The following SCN8A variants were observed in gnomAD, a reference collection of about 807,000 sequenced individuals.
The protein encoded by SCN8A is sodium channel protein type 8 subunit alpha.
SCN8A carries 30 observed loss-of-function variants against 184.1 expected under a neutral mutation model. The ratio of observed to expected loss-of-function variants is 0.16; its 90% CI spans 0.12 to 0.22. SCN8A has a LOEUF of 0.22. Among genes scored for constraint, SCN8A ranks in the 10% least tolerant of loss-of-function variants. The pLI is 1.00. For missense variants in SCN8A, 1,057 were observed against 2,498.9 expected (o/e 0.42, Z 12.30); for synonymous variants, 852 against 907.0 (o/e 0.94, Z 1.09).
At chr12:51,652,755 C>T (rs1765985375) in intron 1 of SCN8A, among the ~76,000 whole-genome samples, 1 of 152,196 alleles carries the variant, frequency 6.6e-6, no homozygotes. Context: ...AGGAAGCTTT[C>T]CTTGATCTCT....
intron 1 of SCN8A, among the ~76,000 whole-genome samples, chr12:51,629,591 A>C (rs1940155754): frequency 3.8e-5 from 1 of 26,162 alleles, no homozygotes; most frequent in South Asian, 7.2e-4. Context: ...GCAAAAAAAA[A>C]AAAAAAAAAA....
At chr12:51,649,444 C>T (rs140566456) in intron 1 of SCN8A, among the ~76,000 whole-genome samples, 13 of 152,366 alleles carry the variant, frequency 8.5e-5, no homozygotes, top group Non-Finnish European at 1.5e-4. Context: ...TCTCCATAAG[C>T]GTCCTGCCCC....
intron 2 of SCN8A, among the ~76,000 whole-genome samples, chr12:51,665,479 G>A (rs1941015081): frequency 6.6e-6 from 1 of 152,080 alleles, no homozygotes; most frequent in Non-Finnish European, 1.5e-5. Context: ...TAAATACATA[G>A]CATAATGATT....
intron 2 of SCN8A, among the ~76,000 whole-genome samples, chr12:51,679,119 A>G (rs1367253875): frequency 6.6e-6 from 1 of 151,462 alleles, no homozygotes; most frequent in Non-Finnish European, 1.5e-5. Flanking sequence ...TACTCACCCC[A>G]GGTGCAGTGG....
intron 6 of SCN8A, among the ~76,000 whole-genome samples, chr12:51,696,118 C>T (rs1941588205): frequency 6.6e-6 from 1 of 152,188 alleles, no homozygotes; most frequent in Non-Finnish European, 1.5e-5. Flanking sequence ...GCTTACAGCT[C>T]ATTTCTCAAT....
At chr12:51,605,578 A>G (rs541689646) in intron 1 of SCN8A, among the ~76,000 whole-genome samples, 1 of 152,226 alleles carries the variant, frequency 6.6e-6, no homozygotes, top group Non-Finnish European at 1.5e-5. Flanking sequence ...TCTTTTTCAT[A>G]TAATGACTTC....
At chr12:51,632,455 C>T (rs1940216629) in intron 1 of SCN8A, among the ~76,000 whole-genome samples, 2 of 152,134 alleles carry the variant, frequency 1.3e-5, no homozygotes, top group Admixed American at 1.3e-4. Context: ...ACACTCCCCT[C>T]CCTTGTGGCT....
intron 1 of SCN8A, among the ~76,000 whole-genome samples, chr12:51,639,321 G>C (rs569616179): frequency 2.6e-5 from 4 of 152,320 alleles, no homozygotes; most frequent in African/African-American, 9.6e-5. Context: ...TGTGAGGATT[G>C]TTGAAATGAC....
At chr12:51,780,609 A>G in intron 20 of SCN8A, 40 bp from the exon 21 acceptor site, 1 of 69,166 alleles carries the variant, frequency 1.4e-5, no homozygotes, top group Non-Finnish European at 2.4e-5. Flanking sequence ...TTTTTTGGTT[A>G]CCTTTTTTGT....
intron 12 of SCN8A, chr12:51,722,235 C>A: frequency 2.2e-6 from 1 of 452,644 alleles, no homozygotes; most frequent in South Asian, 2.8e-5. Flanking sequence ...TTACCGTTTT[C>A]TTTCTCTCCA....
chr12:51,603,606 T>A (rs1300597919), intron 1 of SCN8A, among the ~76,000 whole-genome samples: 2 of 152,216 alleles, frequency 1.3e-5, no homozygotes, highest in Non-Finnish European at 1.5e-5. Flanking sequence ...TATAAGCAAC[T>A]AACAACTGTT....
chr12:51,655,282 A>G (rs1940799416), intron 1 of SCN8A, among the ~76,000 whole-genome samples: 2 of 151,818 alleles, frequency 1.3e-5, no homozygotes, highest in Admixed American at 1.3e-4. Context: ...CCGCATTTCA[A>G]TACTGGTTTT....
chr12:51,684,228 G>A lies in SCN8A; in HGVS notation c.331G>A (p.Ala111Thr), dbSNP rs796053231. Reference sequence around the variant, plus strand: ...TCTCTTCAGATTTAGTGCCACGCCTGCCTTGTACATTTTAAGTCCTTTTAA... The same window carrying A: ...TCTCTTCAGATTTAGTGCCACGCCTACCTTGTACATTTTAAGTCCTTTTAA... ...KTLFRFSATP[A>T]LYILSPFNLI... Residue 111 changes from alanine (A) to threonine (T), a missense_variant, in exon 3 of 27, where the codon GCC (alanine) becomes ACC (threonine). Physicochemically the swap from Ala to Thr is moderately conservative, Grantham distance 58. This residue lies in a region of SCN8A where 66 missense variants were observed against 276.4 expected (regional missense o/e 0.24). Transcript: ENST00000627620. 6.2e-7 allele frequency: 1 copy of A among 1,609,612 alleles called. No individual in the cohort carries two copies. Among genetic ancestry groups the A allele is most frequent in the East Asian group, 2.2e-5 (1 of 44,850 alleles).
Position 51,756,614 on chromosome 12 carries a change from C to G in SCN8A, c.2370+5021C>G, listed in dbSNP as rs571735308. On this transcript the variant is annotated intron_variant, in intron 14 of 26. Transcript: ENST00000627620. ...TAGCCACGCCTCATACCACTTCCAA[C>G]TGCCCATCCTAGACTGTTGCCCAAA... Among the ~76,000 whole-genome samples the G allele has an allele frequency of 1.5e-3, 223 of 152,398 alleles. 1 individual carries two copies. Among genetic ancestry groups the G allele is most frequent in the Middle Eastern group, 3.4e-3 (1 of 294 alleles).
intron 11 of SCN8A, among the ~76,000 whole-genome samples, chr12:51,711,188 A>G (rs1456708689): frequency 6.6e-6 from 1 of 152,236 alleles, no homozygotes; most frequent in African/African-American, 2.4e-5. Context: ...TAGCGCTGTT[A>G]ACGCTTTGCT....
At chr12:51,696,513 G>A (rs1185382335) in intron 6 of SCN8A, among the ~76,000 whole-genome samples, 2 of 152,158 alleles carry the variant, frequency 1.3e-5, no homozygotes, top group African/African-American at 4.8e-5. Flanking sequence ...ACCTAGCTGT[G>A]TGATTATGAT....
At chr12:51,607,802 T>A (rs1939628334) in intron 1 of SCN8A, among the ~76,000 whole-genome samples, 1 of 152,198 alleles carries the variant, frequency 6.6e-6, no homozygotes, top group African/African-American at 2.4e-5. Flanking sequence ...GGATTATCTT[T>A]TTGGTATGTT....
At chr12:51,801,229 C>T (rs1020622811) in intron 26 of SCN8A, among the ~76,000 whole-genome samples, 1 of 152,154 alleles carries the variant, frequency 6.6e-6, no homozygotes, top group African/African-American at 2.4e-5. Flanking sequence ...CAGTTGAGTG[C>T]CCCCACTCAG....
At chr12:51,684,954 T>C (rs958867172) in intron 3 of SCN8A, among the ~76,000 whole-genome samples, 1 of 152,200 alleles carries the variant, frequency 6.6e-6, no homozygotes, top group Non-Finnish European at 1.5e-5. Flanking sequence ...TGTTGCATGG[T>C]GGCTTGAAAC....
Sources: gnomAD v4.1 joint callset for allele counts (sites outside exome capture counted in the v4.1 genomes callset) on GRCh38, gnomAD v4.1.1 for gene constraint, gnomAD v4.1.1 regional missense constraint, MANE v1.5 for transcripts, NCBI Gene and HGNC (gene_info 2026-07-23, HGNC 2026-07-21) for gene names.